B3GALT5: variants seen among roughly 807,000 people sequenced by gnomAD.
The protein encoded by B3GALT5 is UDP-Gal:betaGlcNAc beta 1,3-galactosyltransferase, polypeptide 5.
For synonymous variants in B3GALT5, 156 were observed against 158.6 expected (o/e 0.98, Z 0.12); for missense variants, 328 against 396.6 (o/e 0.83, Z 1.47).
intron 1 of B3GALT5, among the ~76,000 whole-genome samples, chr21:39,625,078 C>T (rs1031880271): frequency 6.6e-6 from 1 of 152,236 alleles, no homozygotes; most frequent in African/African-American, 2.4e-5. Context: ...ATTACACACA[C>T]ACTTTTTCAG....
rs953031359 is a variant in B3GALT5 at position 39,667,572 on chromosome 21, C to G, written c.*6080C>G. 6.6e-6 allele frequency: 1 copy of G among 152,222 alleles called. No homozygotes were observed. Among genetic ancestry groups the G allele is most frequent in the Non-Finnish European group, 1.5e-5 (1 of 68,056 alleles). The allele number at this position is 152,222 out of a possible 1,614,324, so 9.4% of individuals were successfully genotyped here. A position where few individuals can be genotyped will look rare whatever the true frequency, so the allele number is the denominator to read the frequency against. On this transcript the variant is annotated 3_prime_UTR_variant, in exon 4 of 4. Coordinates refer to ENST00000684187, the MANE Select transcript of B3GALT5 (RefSeq NM_001356336.2). ...AGAAGTGCAGAATGTGGATTCCGTC[C>G]GCTCTTTAGGGCACAGCTAGCCCTG... is the stretch of plus-strand genomic sequence containing the variant.
intron 2 of B3GALT5, among the ~76,000 whole-genome samples, chr21:39,654,969 A>G (rs1242748361): frequency 6.6e-6 from 1 of 152,218 alleles, no homozygotes; most frequent in Non-Finnish European, 1.5e-5. Flanking sequence ...TATTTGCTTT[A>G]TTGCAGTAGT....
At chr21:39,630,359 A>G (rs1421084038) in intron 1 of B3GALT5, 1 of 152,114 alleles carries the variant, frequency 6.6e-6, no homozygotes, top group Non-Finnish European at 1.5e-5. Context: ...AGAAACCCAA[A>G]TGTTGGAGGG....
chr21:39,624,915 T>A (rs532872911), intron 1 of B3GALT5, among the ~76,000 whole-genome samples: 11 of 152,004 alleles, frequency 7.2e-5, no homozygotes. Flanking sequence ...ACTCTGAGAC[T>A]CAGTTTACCA....
intron 1 of B3GALT5, among the ~76,000 whole-genome samples, chr21:39,632,387 G>T (rs1489229975): frequency 6.6e-6 from 1 of 152,190 alleles, no homozygotes; most frequent in Non-Finnish European, 1.5e-5. Context: ...GAGTACAGTG[G>T]GTTGAGGTTA....
intron 1 of B3GALT5, among the ~76,000 whole-genome samples, chr21:39,641,438 A>T (rs2079289357): frequency 6.6e-6 from 1 of 152,222 alleles, no homozygotes; most frequent in Non-Finnish European, 1.5e-5. Context: ...TGTTTACTAG[A>T]ATATTAGCAT....
intron 2 of B3GALT5, among the ~76,000 whole-genome samples, chr21:39,653,428 C>T (rs1172074103): frequency 6.6e-6 from 1 of 152,178 alleles, no homozygotes; most frequent in Non-Finnish European, 1.5e-5. Flanking sequence ...TTTCCCTTTG[C>T]AATCTGGCTC....
At chr21:39,634,850 T>G (rs2079215749) in intron 1 of B3GALT5, among the ~76,000 whole-genome samples, 1 of 152,084 alleles carries the variant, frequency 6.6e-6, no homozygotes, top group South Asian at 2.1e-4. Context: ...CATTCCCTAT[T>G]CATGTCGGGG....
At chr21:39,650,770 G>A (rs373043182) in intron 2 of B3GALT5, among the ~76,000 whole-genome samples, 1 of 134,956 alleles carries the variant, frequency 7.4e-6, no homozygotes, top group Non-Finnish European at 1.6e-5. Context: ...AAATAGACTT[G>A]ACAGTTTGTT....
At chr21:39,644,177 G>A (rs780392033) in intron 1 of B3GALT5, among the ~76,000 whole-genome samples, 31 of 152,124 alleles carry the variant, frequency 2.0e-4, no homozygotes, top group Non-Finnish European at 3.8e-4. Flanking sequence ...ATAAGGTAAC[G>A]TAGACAGTAG....
At chr21:39,617,954 A>G (rs1387022837) in intron 1 of B3GALT5, among the ~76,000 whole-genome samples, 1 of 152,220 alleles carries the variant, frequency 6.6e-6, no homozygotes, top group South Asian at 2.1e-4. Context: ...CCTGGGCAAC[A>G]TAGCGAATCC....
intron 1 of B3GALT5, among the ~76,000 whole-genome samples, chr21:39,626,975 G>A (rs549288688): frequency 6.6e-6 from 1 of 152,262 alleles, no homozygotes; most frequent in East Asian, 1.9e-4. Flanking sequence ...CTGGACCTAA[G>A]AGCTCATTCC....
intron 1 of B3GALT5, among the ~76,000 whole-genome samples, chr21:39,641,275 C>T (rs939199262): frequency 1.3e-5 from 2 of 152,178 alleles, no homozygotes; most frequent in African/African-American, 4.8e-5. Flanking sequence ...TCCGACACTA[C>T]AGAACTGTGT....
At chr21:39,628,215 T>C (rs577252040) in intron 1 of B3GALT5, among the ~76,000 whole-genome samples, 42 of 152,336 alleles carry the variant, frequency 2.8e-4, no homozygotes, top group African/African-American at 9.9e-4. Flanking sequence ...ATGAACCAAA[T>C]GGGTGAAAAT....
At chr21:39,646,999 G>T (rs2079346495) in intron 2 of B3GALT5, among the ~76,000 whole-genome samples, 1 of 152,124 alleles carries the variant, frequency 6.6e-6, no homozygotes, top group African/African-American at 2.4e-5. Context: ...TACTTGGGAG[G>T]CTGAGACAGG....
intron 2 of B3GALT5, 38 bp from the exon 3 acceptor site, chr21:39,659,715 G>T: frequency 3.1e-6 from 3 of 980,662 alleles, no homozygotes; most frequent in Non-Finnish European, 3.6e-6. Flanking sequence ...GGTAAGGCAC[G>T]AGTGATTTGA....
intron 1 of B3GALT5, among the ~76,000 whole-genome samples, chr21:39,625,066 A>G (rs904726715): frequency 6.6e-6 from 1 of 152,212 alleles, no homozygotes; most frequent in Non-Finnish European, 1.5e-5. Flanking sequence ...CTTATGTCCA[A>G]TATTACACAC....
intron 2 of B3GALT5, among the ~76,000 whole-genome samples, chr21:39,649,636 A>G (rs1271497875): frequency 6.8e-6 from 1 of 147,442 alleles, no homozygotes; most frequent in Non-Finnish European, 1.5e-5. Context: ...GTGGGTGGAA[A>G]GTTACTAAGA....
chr21:39,649,559 G>A (rs550007040), intron 2 of B3GALT5, among the ~76,000 whole-genome samples: 4 of 152,176 alleles, frequency 2.6e-5, no homozygotes, highest in Non-Finnish European at 4.4e-5. Flanking sequence ...GTATAGAGCC[G>A]GGCTTAATTC....
Sources: gnomAD v4.1 joint callset for allele counts (sites outside exome capture counted in the v4.1 genomes callset) on GRCh38, gnomAD v4.1.1 for gene constraint, MANE v1.5 for transcripts, NCBI Gene and HGNC (gene_info 2026-07-23, HGNC 2026-07-21) for gene names.